Variants in SYN3 observed in about 807,000 individuals in gnomAD.
SYN3 encodes the protein synapsin III.
A neutral mutation model predicts 65.8 loss-of-function variants in SYN3; 35 were observed. The observed-to-expected ratio is 0.53, with a 90% CI of 0.41 to 0.70. The LOEUF (loss-of-function observed/expected upper bound fraction) is 0.70. Among genes scored for constraint, SYN3 ranks in the 30% least tolerant of loss-of-function variants. The pLI, the probability that SYN3 is intolerant of heterozygous loss-of-function variation, is 0.00. For synonymous variants in SYN3, 270 were observed against 292.9 expected, an observed-to-expected ratio of 0.92 and a Z score of 0.80; for missense variants, 680 against 749.0, an observed-to-expected ratio of 0.91 and a Z score of 1.08.
intron 6 of SYN3, among the ~76,000 whole-genome samples, chr22:32,823,649 A>T (rs541757844): frequency 2.6e-5 from 4 of 152,324 alleles, no homozygotes; most frequent in African/African-American, 4.8e-5. Flanking sequence ...GTCTCTGGAC[A>T]GACAGCATGG....
intron 4 of SYN3, among the ~76,000 whole-genome samples, chr22:32,879,928 T>A (rs971581094): frequency 4.6e-5 from 7 of 152,372 alleles, no homozygotes; most frequent in African/African-American, 1.7e-4. Context: ...GTCCCAGCTC[T>A]GCTCTTGTGT....
At position 32,598,183 on chromosome 22, in the gene SYN3, G is replaced by A. The variant is rs577182562; in HGVS notation, c.712-1447C>T. ...CTTACACTGTGGGCACCGAAGGAACGCAGCCTTGCCCTCTTGATGTCTCTT... is the reference window on the plus strand; with the variant it reads ...CTTACACTGTGGGCACCGAAGGAACACAGCCTTGCCCTCTTGATGTCTCTT... On this transcript the variant is annotated intron_variant, in intron 6 of 13. Transcript: ENST00000358763. Among the ~76,000 whole-genome samples the A allele has an allele frequency of 3.3e-4, 51 of 152,290 alleles. No individual in the cohort carries two copies. In the South Asian group the frequency reaches 8.7e-3, roughly 26 times the overall value.
rs1213383922 is a variant in SYN3, at chr22:32,529,003, C to T, written c.1101G>A (p.Met367Ile). 4 of 1,613,760 alleles carry T rather than the reference C, an allele frequency of 2.5e-6. No homozygotes were observed. In the African/African-American group the frequency reaches 5.3e-5, roughly 22 times the overall value. ...CTCCAATCAGCGGCATTGAGCTGTC[C>T]ATTACCTGTGGGGAGGAAGGGAGAG... is the stretch of plus-strand genomic sequence containing the variant. ...KDGRDYIIEV[M>I]DSSMPLIGEH... The change falls in exon 11 of 14, where the codon ATG becomes ATA. Residue 367 changes from methionine to isoleucine, a missense_variant. By Grantham distance (10) the Met-to-Ile change is conservative (BLOSUM62 1). Transcript: ENST00000358763.
In SYN3 at chr22:32,626,777, C is replaced by T. The variant is rs188607640; in HGVS notation, c.712-30041G>A. On this transcript the variant is annotated intron_variant, in intron 6 of 13. Coordinates refer to ENST00000358763, the MANE Select transcript of SYN3 (RefSeq NM_003490.4). ...ACTGGGTGCCCCGAGTGTGGAGGTGCGGGCACCAATCCTAGGGTGACAAAG... is the reference window on the plus strand; with the variant it reads ...ACTGGGTGCCCCGAGTGTGGAGGTGTGGGCACCAATCCTAGGGTGACAAAG... 2.6e-4 allele frequency among the ~76,000 whole-genome samples: 39 copies of T among 152,230 alleles called. 1 individual carries two copies. In the East Asian group the frequency reaches 4.1e-3, roughly 16 times the overall value.
intron 3 of SYN3, among the ~76,000 whole-genome samples, chr22:32,940,347 T>G (rs1436315089): frequency 6.6e-6 from 1 of 152,056 alleles, no homozygotes; most frequent in African/African-American, 2.4e-5. Context: ...GAAGAATATA[T>G]TTATGCACAC....
At chr22:32,873,697 G>T (rs2048912767) in intron 4 of SYN3, among the ~76,000 whole-genome samples, 1 of 152,234 alleles carries the variant, frequency 6.6e-6, no homozygotes, top group Non-Finnish European at 1.5e-5. Context: ...CTGAAAGACA[G>T]GAGTGGCCAG....
intron 6 of SYN3, among the ~76,000 whole-genome samples, chr22:32,643,388 G>A (rs546719723): frequency 3.3e-5 from 5 of 152,206 alleles, no homozygotes; most frequent in African/African-American, 1.2e-4. Flanking sequence ...AAGGGGGTGA[G>A]ATTTGAGCAG....
At chr22:32,615,891 A>G (rs1333195426) in intron 6 of SYN3, among the ~76,000 whole-genome samples, 1 of 152,230 alleles carries the variant, frequency 6.6e-6, no homozygotes, top group Non-Finnish European at 1.5e-5. Context: ...TCTCAGCTGC[A>G]AAGTGGAGGG....
chr22:32,562,983 T>G (rs1211858772), intron 7 of SYN3, among the ~76,000 whole-genome samples: 3 of 152,204 alleles, frequency 2.0e-5, no homozygotes, highest in African/African-American at 7.2e-5. Flanking sequence ...TAACTTTCCC[T>G]CTCTCAACTC....
intron 4 of SYN3, among the ~76,000 whole-genome samples, chr22:32,877,646 T>G (rs955820538): frequency 6.6e-6 from 1 of 152,182 alleles, no homozygotes; most frequent in Admixed American, 6.5e-5. Flanking sequence ...GAAGCCCTGC[T>G]GCAGGGCTCC....
intron 6 of SYN3, among the ~76,000 whole-genome samples, chr22:32,739,174 A>AGC (rs371077953): frequency 1.4e-5 from 2 of 146,130 alleles, no homozygotes; most frequent in Admixed American, 6.7e-5. Context: ...ATTGAATCAC[A>AGC]GGGGGGGGGC....
intron 4 of SYN3, among the ~76,000 whole-genome samples, chr22:32,888,764 A>G (rs2049361540): frequency 6.6e-6 from 1 of 152,192 alleles, no homozygotes; most frequent in African/African-American, 2.4e-5. Context: ...CACTGACATG[A>G]CACTCAATGG....
chr22:32,885,436 C>G (rs2049260985), intron 4 of SYN3, among the ~76,000 whole-genome samples: 1 of 152,154 alleles, frequency 6.6e-6, no homozygotes, highest in Admixed American at 6.5e-5. Flanking sequence ...GTGCCCCGGG[C>G]CATACCCTCA....
chr22:32,678,601 T>G (rs959934893), intron 6 of SYN3, among the ~76,000 whole-genome samples: 6 of 151,040 alleles, frequency 4.0e-5, no homozygotes, highest in South Asian at 2.1e-4. Context: ...TTCTCCTTCT[T>G]CTCCTTCTTT....
intron 6 of SYN3, among the ~76,000 whole-genome samples, chr22:32,826,759 G>A (rs1265155195): frequency 1.3e-5 from 2 of 152,252 alleles, no homozygotes; most frequent in Non-Finnish European, 2.9e-5. Context: ...GCACCAGGGC[G>A]TCCACTATCC....
At chr22:33,019,276 T>G (rs1168425536) in intron 1 of SYN3, among the ~76,000 whole-genome samples, 1 of 152,208 alleles carries the variant, frequency 6.6e-6, no homozygotes, top group Non-Finnish European at 1.5e-5. Context: ...GTCCATATCC[T>G]TTGTATATAC....
chr22:32,940,452 T>C (rs770553755), intron 3 of SYN3, among the ~76,000 whole-genome samples: 1 of 152,302 alleles, frequency 6.6e-6, no homozygotes, highest in East Asian at 1.9e-4. Context: ...CCCAAGGTCA[T>C]GTAGGCACTC....
At chr22:32,698,166 G>C (rs1463901552) in intron 6 of SYN3, among the ~76,000 whole-genome samples, 1 of 152,116 alleles carries the variant, frequency 6.6e-6, no homozygotes, top group African/African-American at 2.4e-5. Context: ...CCCTGCCTTG[G>C]CTTCAAGTTC....
In SYN3 at chr22:32,738,154, C is replaced by A. The variant is rs73156442; in HGVS notation, c.711+126761G>T. 4.1e-3 allele frequency among the ~76,000 whole-genome samples: 618 copies of A among 152,280 alleles called. 4 individuals carry two copies. Among genetic ancestry groups the A allele is most frequent in the East Asian group, 0.013 (66 of 5,184 alleles). Reference sequence around the variant, plus strand: ...GCACTCCACATCTGCCAAGTCCTTACATTTTAGTCGCTTACCTGCACTTAT... The same window carrying A: ...GCACTCCACATCTGCCAAGTCCTTAAATTTTAGTCGCTTACCTGCACTTAT... On this transcript the variant is annotated intron_variant, in intron 6 of 13. Coordinates refer to ENST00000358763, the MANE Select transcript of SYN3 (RefSeq NM_003490.4).
Sources: allele counts gnomAD v4.1 joint callset (sites outside exome capture counted in the v4.1 genomes callset), GRCh38; gene constraint gnomAD v4.1.1; transcripts MANE v1.5; gene names NCBI Gene and HGNC (gene_info 2026-07-23, HGNC 2026-07-21).